Variants in PLCB2 observed in about 807,000 individuals in gnomAD.
PLCB2 encodes 1-phosphatidylinositol 4,5-bisphosphate phosphodiesterase beta-2.
A neutral mutation model predicts 141.7 loss-of-function variants in PLCB2; 115 were observed. The ratio of observed to expected loss-of-function variants is 0.81; its 90% CI spans 0.70 to 0.95. The LOEUF (loss-of-function observed/expected upper bound fraction) is 0.95, where lower values mean the gene tolerates loss of function less well. PLCB2 is among the 40% of genes least tolerant of loss of function. The pLI is 0.00. For synonymous variants in PLCB2, 603 were observed against 595.6 expected, an observed-to-expected ratio of 1.01 and a Z score of -0.18; for missense variants, 1,403 against 1,541.1, an observed-to-expected ratio of 0.91 and a Z score of 1.50.
chr15:40,298,936 T>C lies in PLCB2; in HGVS notation c.712A>G (p.Lys238Glu). ...YHAKAKPYMT[K>E]EHLTKFINQK... ...TTGATGAATTTGGTCAGGTGCTCCTTCGTCATGTAGGGTTTGGCCTTAGCA... is the reference window on the plus strand; with the variant it reads ...TTGATGAATTTGGTCAGGTGCTCCTCCGTCATGTAGGGTTTGGCCTTAGCA... Residue 238 changes from lysine to glutamate, a missense_variant, in exon 9 of 32, where the codon AAG becomes GAG. Physicochemically the swap from Lys to Glu is moderately conservative, Grantham distance 56. Coordinates refer to ENST00000260402, the MANE Select transcript of PLCB2 (RefSeq NM_004573.3). 6.2e-7 allele frequency: 1 copy of C among 1,607,722 alleles called. No homozygotes were observed. The highest frequency in any genetic ancestry group is 8.5e-7 in the Non-Finnish European group (1 of 1,179,792).
rs2040218275 is a variant in PLCB2, at chr15:40,296,379, A to T, written c.1613T>A (p.Leu538Gln). Residue 538 changes from leucine (L) to glutamine (Q), a missense_variant, in exon 16 of 32, where the codon CTG (leucine) becomes CAG (glutamine). Around this residue, in one of 4 missense-constraint regions of PLCB2, gnomAD observed 975 missense variants for 1,141.1 expected, o/e 0.85. Transcript: ENST00000260402. ...KMQSDEGTAGLEVTAYEEMSS... is the reference protein window; with the variant it reads ...KMQSDEGTAGQEVTAYEEMSS... ...CATCTCCTCATAAGCCGTCACTTCC[A>T]GGCCCGCTGTGCCCTAAGGAGAAGA... 1 of 1,613,628 alleles carries T rather than the reference A, an allele frequency of 6.2e-7. No individual in the cohort carries two copies. Among genetic ancestry groups the T allele is most frequent in the South Asian group, 1.1e-5 (1 of 90,962 alleles).
At chr15:40,293,175 A>G in intron 20 of PLCB2, 150 bp from the exon 21 acceptor site, 1 of 597,440 alleles carries the variant, frequency 1.7e-6, no homozygotes, top group Non-Finnish European at 3.0e-6. Context: ...ACTCTAGGCC[A>G]TATACAAAGA....
rs2040290987 is a variant in PLCB2, at chr15:40,297,619, A to G, written c.1239-14T>C. On this transcript the variant is annotated splice_polypyrimidine_tract_variant and intron_variant, in intron 12 of 31. Coordinates refer to ENST00000260402, the MANE Select transcript of PLCB2 (RefSeq NM_004573.3). The surrounding 1 kb of genome is among the most constrained non-coding windows in gnomAD (Gnocchi z 4.2). Reference sequence around the variant, plus strand: ...TGCTGGCGGGGTCTGCGGGGAGCAAAAGCGGGGATGGGGTTCAGCCGCTCA... The same window carrying G: ...TGCTGGCGGGGTCTGCGGGGAGCAAGAGCGGGGATGGGGTTCAGCCGCTCA... 1.2e-6 allele frequency: 2 copies of G among 1,609,232 alleles called. No individual in the cohort carries two copies. The highest frequency in any genetic ancestry group is 4.5e-5 in the East Asian group (2 of 44,838).
At chr15:40,305,400 C>G (rs1217160258) in intron 1 of PLCB2, among the ~76,000 whole-genome samples, 1 of 152,014 alleles carries the variant, frequency 6.6e-6, no homozygotes, top group Admixed American at 6.5e-5. Context: ...GCATAACAGA[C>G]AGAGGTCGGA....
chr15:40,290,960 C>T, intron 27 of PLCB2, 58 bp downstream of exon 27: 1 of 1,474,502 alleles, frequency 6.8e-7, no homozygotes, highest in South Asian at 1.2e-5. Flanking sequence ...CGAATGGGGT[C>T]CATGGGGGGT....
In PLCB2 at chr15:40,298,292, C is replaced by T; in HGVS notation, c.1086G>A (p.Lys362=). 1 of 1,605,300 alleles carries T rather than the reference C, an allele frequency of 6.2e-7. No individual in the cohort carries two copies. The highest frequency in any genetic ancestry group is 1.1e-5 in the South Asian group (1 of 90,280). Residue 362 remains lysine, a synonymous_variant, in exon 11 of 32, where the codon AAG becomes AAA. Coordinates refer to ENST00000260402, the MANE Select transcript of PLCB2 (RefSeq NM_004573.3). The part of the protein sequence containing the change: ...GCRCVELDCW[K]GKPPDEEPII... ...TGGGCTCCTCGTCAGGGGGTTTCCC[C>T]TTCCAGCAGTCTAGCTCCACGCAAC...
rs528501766 is a variant in PLCB2 at position 40,303,738 on chromosome 15, C to T, written c.162+263G>A. 6 of 514,498 alleles carry T rather than the reference C, an allele frequency of 1.2e-5. No individual in the cohort carries two copies. In the East Asian group the frequency reaches 1.6e-4, roughly 14 times the overall value. 31.9% of individuals were successfully genotyped at this position (514,498 alleles called of 1,614,324 possible). A position where few individuals can be genotyped will look rare whatever the true frequency, so the allele number is the denominator to read the frequency against. On this transcript the variant is annotated intron_variant, in intron 2 of 31. Coordinates refer to ENST00000260402, the MANE Select transcript of PLCB2 (RefSeq NM_004573.3). ...CCACAGCCACAGGCAGAGCATCAGC[C>T]TTCAGCAGCAGTGCTTTCGCCTGTC...
At position 40,302,285 on chromosome 15, in the gene PLCB2, G is replaced by C; in HGVS notation, c.437C>G (p.Thr146Ser). 1 of 1,614,196 alleles carries C rather than the reference G, an allele frequency of 6.2e-7. No individual in the cohort carries two copies. Among genetic ancestry groups the C allele is most frequent in the Non-Finnish European group, 8.5e-7 (1 of 1,180,018 alleles). Reference protein sequence around the residue: ...HPLTANASRSTFLDKILVKLK... With the variant: ...HPLTANASRSSFLDKILVKLK... ...GGGCACTTACATCTTGTCCAGGAAG[G>C]TGCTGCGGGAGGCGTTGGCCGTCAG... The change falls in exon 5 of 32, where the codon ACC becomes AGC. Residue 146 changes from threonine to serine, a missense_variant. Coordinates refer to ENST00000260402, the MANE Select transcript of PLCB2 (RefSeq NM_004573.3).
At chr15:40,291,204 C>T (rs2039891692) in intron 26 of PLCB2, 21 bp from the exon 27 acceptor site, 20 of 1,571,344 alleles carry the variant, frequency 1.3e-5, no homozygotes, top group Non-Finnish European at 1.5e-5. Context: ...CACGTGGGGA[C>T]AGGCCCTGAG....
At chr15:40,289,935 GAGAGAGAGA>G in intron 30 of PLCB2, 81 bp downstream of exon 30, 1 of 20,290 alleles carries the variant, frequency 4.9e-5, no homozygotes, top group Non-Finnish European at 1.5e-4. Context: ...TGAAGAGAGA[GAGAGAGAGA>G]GAGAGAGAGA....
chr15:40,304,734 AGCTTGGT>A (rs892467707), intron 1 of PLCB2, among the ~76,000 whole-genome samples: 1 of 152,126 alleles, frequency 6.6e-6, no homozygotes, highest in Non-Finnish European at 1.5e-5. Context: ...CTAGACCTTG[AGCTTGGT>A]GCTTGGTGCT....
At chr15:40,287,215 T>G (rs928689375), downstream of PLCB2, among the ~76,000 whole-genome samples, 6 of 152,090 alleles carry the variant, frequency 3.9e-5, no homozygotes, top group Admixed American at 3.3e-4. Context: ...CAGTAAATGA[T>G]CAGCCCCCTC....
At position 40,289,285 on chromosome 15, in the gene PLCB2, TC is replaced by T; in HGVS notation, c.3340del (p.Glu1114ArgfsTer18). ...TGAACCTGTTACCTGCTTTTCCATCTCCCGTATCTGTTCCAGGCAAGCCGCC... is the reference window on the plus strand; with the variant it reads ...TGAACCTGTTACCTGCTTTTCCATCTCCGTATCTGTTCCAGGCAAGCCGCC... Reference protein sequence around the residue: ...KQAACLEQIREMEKQFQKEAL... With the variant: ...KQAACLEQIRXMEKQFQKEAL... On this transcript the variant is annotated frameshift_variant, in exon 31 of 32. Coordinates refer to ENST00000260402, the MANE Select transcript of PLCB2 (RefSeq NM_004573.3). LOFTEE classifies it low-confidence loss of function (END_TRUNC). 6.2e-7 allele frequency: 1 copy of T among 1,613,752 alleles called. No homozygotes were observed. The highest frequency in any genetic ancestry group is 8.5e-7 in the Non-Finnish European group (1 of 1,179,680).
chr15:40,289,336 T>G lies in PLCB2; in HGVS notation c.3290A>C (p.His1097Pro), dbSNP rs377366171. 99 of 1,613,886 alleles carry G rather than the reference T, an allele frequency of 6.1e-5. 1 individual carries two copies. The highest frequency in any genetic ancestry group is 8.0e-5 in the Non-Finnish European group (94 of 1,179,936). Reference sequence around the variant, plus strand: ...CTGCTTCTCCTCCAGCTTCTCCTGGTGCCTCTCCAAGTTCTCCGTCATCTG... The same window carrying G: ...CTGCTTCTCCTCCAGCTTCTCCTGGGGCCTCTCCAAGTTCTCCGTCATCTG... The part of the protein sequence containing the change: ...IKQMTENLER[H>P]QEKLEEKQAA... The change falls in exon 31 of 32, where the codon CAC (histidine) becomes CCC (proline). Residue 1097 changes from histidine to proline, a missense_variant. By Grantham distance (77) the His-to-Pro change is moderately conservative (BLOSUM62 -2). Transcript: ENST00000260402.
Position 40,290,775 on chromosome 15 carries a change from C to T in PLCB2, c.3099G>A (p.Lys1033=), listed in dbSNP as rs1464372214. 6.2e-7 allele frequency: 1 copy of T among 1,613,876 alleles called. No individual in the cohort carries two copies. The highest frequency in any genetic ancestry group is 1.3e-5 in the African/African-American group (1 of 74,986). The part of the protein sequence containing the change: ...EKQAAELKAL[K]ETSENDTKEM... ...GGCAGTCGTACTTCTCCGACGTCTC[C>T]TTCAGGGCCTTCAGCTCTGCCGCCT... The change falls in exon 28 of 32, where the codon AAG becomes AAA. Residue 1033 remains lysine, a synonymous_variant. Transcript: ENST00000260402.
intron 6 of PLCB2, 45 bp downstream of exon 6, chr15:40,302,091 C>T: frequency 1.2e-6 from 2 of 1,613,402 alleles, no homozygotes; most frequent in East Asian, 2.2e-5. Context: ...GAAAGAAAGG[C>T]TTTGGGGAGC....
In PLCB2 at chr15:40,307,614, C is replaced by G. The variant is rs1041791318; in HGVS notation, c.59G>C (p.Gly20Ala). Residue 20 changes from glycine (G) to alanine (A), a missense_variant, in exon 1 of 32, where the codon GGG becomes GCG. Physicochemically the swap from Gly to Ala is moderately conservative, Grantham distance 60. This residue lies in a region of PLCB2 where 975 missense variants were observed against 1,141.1 expected (regional missense o/e 0.85). Transcript: ENST00000260402. ...ATCATCCCATTTGATGAAGCGCTCC[C>G]CTTGGCTCAGATAGGCCTTCACCTT... ...PPKVKAYLSQGERFIKWDDET... is the reference protein window; with the variant it reads ...PPKVKAYLSQAERFIKWDDET... 1.9e-6 allele frequency: 3 copies of G among 1,589,296 alleles called. No homozygotes were observed. The highest frequency in any genetic ancestry group is 1.3e-5 in the African/African-American group (1 of 74,082).
At chr15:40,305,447 A>G (rs2040750318) in intron 1 of PLCB2, among the ~76,000 whole-genome samples, 1 of 152,120 alleles carries the variant, frequency 6.6e-6, no homozygotes, top group Non-Finnish European at 1.5e-5. Flanking sequence ...ACAGCGAGCT[A>G]ACTGTGTGAG....
chr15:40,304,740 G>C (rs2040708554), intron 1 of PLCB2, among the ~76,000 whole-genome samples: 1 of 152,142 alleles, frequency 6.6e-6, no homozygotes, highest in Middle Eastern at 3.2e-3. Context: ...CTTGAGCTTG[G>C]TGCTTGGTGC....
Sources: allele counts gnomAD v4.1 joint callset (sites outside exome capture counted in the v4.1 genomes callset), GRCh38; gene constraint gnomAD v4.1.1; regional missense constraint gnomAD v4.1.1; non-coding constraint Gnocchi (gnomAD v3.1); transcripts MANE v1.5; gene names NCBI Gene and HGNC (gene_info 2026-07-23, HGNC 2026-07-21).